Variants in NOS1AP observed in about 807,000 individuals in gnomAD.
NOS1AP encodes the protein carboxyl-terminal PDZ ligand of neuronal nitric oxide synthase protein.
NOS1AP carries 21 observed loss-of-function variants against 56.2 expected under a neutral mutation model. The ratio of observed to expected loss-of-function variants is 0.37; its 90% CI spans 0.26 to 0.54. The LOEUF is 0.54. Among genes scored for constraint, NOS1AP ranks in the 20% least tolerant of loss-of-function variants. The pLI, the probability that NOS1AP is intolerant of heterozygous loss-of-function variation, is 0.84. For synonymous variants in NOS1AP, 270 were observed against 274.6 expected, an observed-to-expected ratio of 0.98 and a Z score of 0.17; for missense variants, 522 against 657.8, an observed-to-expected ratio of 0.79 and a Z score of 2.26.
chr1:162,231,213 G>C (rs1431253063), intron 2 of NOS1AP, among the ~76,000 whole-genome samples: 1 of 152,090 alleles, frequency 6.6e-6, no homozygotes, highest in East Asian at 1.9e-4. Flanking sequence ...TTATAGTTTT[G>C]ATTTATATTT....
chr1:162,344,033 T>A (rs1657195331), intron 6 of NOS1AP, 57 bp downstream of exon 6: 2 of 1,595,078 alleles, frequency 1.3e-6, no homozygotes, highest in Non-Finnish European at 1.7e-6. Context: ...CAGTAGGCTC[T>A]GGTGGATCAC....
intron 2 of NOS1AP, among the ~76,000 whole-genome samples, chr1:162,269,657 A>C (rs1654525015): frequency 6.6e-6 from 1 of 152,258 alleles, no homozygotes; most frequent in Non-Finnish European, 1.5e-5. Context: ...ATTGTTATGG[A>C]ACTCAGTCAT....
chr1:162,148,524 G>C (rs915824590), intron 1 of NOS1AP, among the ~76,000 whole-genome samples: 1 of 152,212 alleles, frequency 6.6e-6, no homozygotes, highest in African/African-American at 2.4e-5. Context: ...TCTGTGCACA[G>C]GGAGGAACAT....
chr1:162,225,147 C>T (rs956698759), intron 2 of NOS1AP, among the ~76,000 whole-genome samples: 1 of 152,214 alleles, frequency 6.6e-6, no homozygotes, highest in African/African-American at 2.4e-5. Context: ...TCAGCACAAA[C>T]TTTAGCCATG....
At position 162,250,313 on chromosome 1, in the gene NOS1AP, A is replaced by C. The variant is rs532327276; in HGVS notation, c.178-37031A>C. On this transcript the variant is annotated intron_variant, in intron 2 of 9. Coordinates refer to ENST00000361897, the MANE Select transcript of NOS1AP (RefSeq NM_014697.3). ...TGACCTTTAAATATAGCACTCTAGG[A>C]GGCTAAAAGTTTTGAAGTACCTCTT... is the stretch of plus-strand genomic sequence containing the variant. Among the ~76,000 whole-genome samples, 115 of 152,338 alleles carry C rather than the reference A, an allele frequency of 7.5e-4. 1 individual carries two copies. In the Middle Eastern group the frequency reaches 0.014, roughly 18 times the overall value.
chr1:162,098,423 A>T (rs1456035526), intron 1 of NOS1AP, among the ~76,000 whole-genome samples: 1 of 151,628 alleles, frequency 6.6e-6, no homozygotes, highest in Non-Finnish European at 1.5e-5. Flanking sequence ...TTCTTAATTA[A>T]ATTTGTATCT....
intron 2 of NOS1AP, among the ~76,000 whole-genome samples, chr1:162,197,266 C>A (rs1402154267): frequency 1.3e-5 from 2 of 152,206 alleles, no homozygotes; most frequent in Non-Finnish European, 1.5e-5. Flanking sequence ...TTTTGACTAA[C>A]CTTAATGGGA....
chr1:162,179,715 T>C (rs1268518656), intron 2 of NOS1AP, among the ~76,000 whole-genome samples: 2 of 152,016 alleles, frequency 1.3e-5, no homozygotes, highest in African/African-American at 4.8e-5. Context: ...GACCTAGAGG[T>C]GAGAGAGCAC....
intron 2 of NOS1AP, among the ~76,000 whole-genome samples, chr1:162,230,954 G>C (rs1312089513): frequency 6.6e-6 from 1 of 152,152 alleles, no homozygotes; most frequent in Non-Finnish European, 1.5e-5. Flanking sequence ...GTGAACATAG[G>C]TGTACAAATA....
chr1:162,071,811 A>G (rs1691664149), intron 1 of NOS1AP, among the ~76,000 whole-genome samples: 1 of 152,200 alleles, frequency 6.6e-6, no homozygotes, highest in Admixed American at 6.5e-5. Flanking sequence ...TTTCTTGGAC[A>G]TACATAAACT....
At chr1:162,289,329 ATTC>A (rs756313159) in intron 3 of NOS1AP, among the ~76,000 whole-genome samples, 1 of 131,100 alleles carries the variant, frequency 7.6e-6, no homozygotes, top group Non-Finnish European at 1.6e-5. Flanking sequence ...ATGGAGTTTC[ATTC>A]TTTTGCCCAG....
At chr1:162,349,260 C>T (rs766256638) in intron 6 of NOS1AP, among the ~76,000 whole-genome samples, 27 of 151,894 alleles carry the variant, frequency 1.8e-4, no homozygotes, top group African/African-American at 5.1e-4. Flanking sequence ...GGGGAGTAAT[C>T]GGCTTGGCTC....
intron 3 of NOS1AP, among the ~76,000 whole-genome samples, chr1:162,294,175 GGAAGGAAGGAAGGAAGGAAGTA>G: frequency 2.6e-5 from 1 of 39,098 alleles, no homozygotes; most frequent in South Asian, 1.7e-3. Context: ...AAGGCAGGTA[GGAAGGAAGGAAGGAAGGAAGTA>G]AGGAAGGAAG....
chr1:162,324,699 G>T (rs548966015), intron 4 of NOS1AP, among the ~76,000 whole-genome samples: 1 of 152,224 alleles, frequency 6.6e-6, no homozygotes, highest in African/African-American at 2.4e-5. Context: ...AACCTCAATT[G>T]GTTGCTTATT....
At chr1:162,319,646 G>C (rs1483725840) in intron 4 of NOS1AP, among the ~76,000 whole-genome samples, 3 of 152,080 alleles carry the variant, frequency 2.0e-5, no homozygotes, top group Non-Finnish European at 4.4e-5. Flanking sequence ...CATTGTCCCA[G>C]ATCTGCTCAG....
chr1:162,271,757 A>G (rs1293195723), intron 2 of NOS1AP, among the ~76,000 whole-genome samples: 1 of 119,530 alleles, frequency 8.4e-6, no homozygotes, highest in African/African-American at 3.6e-5. Flanking sequence ...ATTAAACAAC[A>G]GACATTTGTT....
chr1:162,223,158 G>A (rs1173751484), intron 2 of NOS1AP, among the ~76,000 whole-genome samples: 2 of 152,200 alleles, frequency 1.3e-5, no homozygotes, highest in African/African-American at 2.4e-5. Context: ...CCTATTACAT[G>A]TAAGAGTTAA....
At chr1:162,265,728 A>C (rs1418602095) in intron 2 of NOS1AP, among the ~76,000 whole-genome samples, 2 of 152,222 alleles carry the variant, frequency 1.3e-5, no homozygotes, top group Non-Finnish European at 2.9e-5. Context: ...GAGATTATTT[A>C]GCCAGAAAGT....
At chr1:162,336,470 G>A (rs1398800721) in intron 5 of NOS1AP, among the ~76,000 whole-genome samples, 2 of 152,232 alleles carry the variant, frequency 1.3e-5, no homozygotes, top group Admixed American at 6.5e-5. Context: ...GGGTTCTGCT[G>A]TAATTATTAC....
Sources: gnomAD v4.1 joint callset for allele counts (sites outside exome capture counted in the v4.1 genomes callset) on GRCh38, gnomAD v4.1.1 for gene constraint, MANE v1.5 for transcripts, NCBI Gene and HGNC (gene_info 2026-07-23, HGNC 2026-07-21) for gene names.